Variants in MAP7 observed in about 807,000 individuals in gnomAD.
MAP7 encodes ensconsin.
Under a neutral mutation model 94.8 loss-of-function variants are expected in MAP7, and 52 were observed. The observed-to-expected ratio is 0.55, with a 90% CI of 0.44 to 0.69. The LOEUF is 0.69. Ranked by LOEUF, MAP7 falls within the 30% of genes least tolerant of loss-of-function variation. MAP7 has a pLI of 0.00. For synonymous variants in MAP7, 350 were observed against 357.0 expected (o/e 0.98, Z 0.22); for missense variants, 940 against 964.6 (o/e 0.97, Z 0.34).
rs189612449 is a variant in MAP7, at chr6:136,498,774, G to T, written c.67+51568C>A. ...ATGTGTGTGTGTGTGTGTGTGTGTG[G>T]AAAACCCAACGAAGTTGACTTAAAT... is the stretch of plus-strand genomic sequence containing the variant. On this transcript the variant is annotated intron_variant, in intron 1 of 17. Coordinates refer to ENST00000354570, the MANE Select transcript of MAP7 (RefSeq NM_003980.6). Among the ~76,000 whole-genome samples, 20 of 150,950 alleles carry T rather than the reference G, an allele frequency of 1.3e-4. No individual in the cohort carries two copies. The East Asian group carries it at 3.5e-3, about 27-fold the overall frequency.
chr6:136,548,051 C>T (rs1273854893), intron 1 of MAP7, among the ~76,000 whole-genome samples: 1 of 151,782 alleles, frequency 6.6e-6, no homozygotes, highest in East Asian at 1.9e-4. Context: ...CAATTTTCAA[C>T]TCTTGATGGT....
intron 1 of MAP7, among the ~76,000 whole-genome samples, chr6:136,522,581 A>G (rs1465418257): frequency 6.6e-6 from 1 of 152,228 alleles, no homozygotes; most frequent in Non-Finnish European, 1.5e-5. Flanking sequence ...ACTGGTAGAA[A>G]AAAGACACTA....
rs750125121 is a variant in MAP7 at position 136,344,242 on chromosome 6, C to T, written c.2240-4G>A. ...AGAAGAAACACTCATATAACTTCTA[C>T]ATGAAGAGACAGAAAAAGAACAAGA... On this transcript the variant is annotated splice_region_variant and splice_polypyrimidine_tract_variant and intron_variant, in intron 17 of 17. Transcript: ENST00000354570. 7.6e-7 allele frequency: 1 copy of T among 1,321,752 alleles called. No homozygotes were observed. The highest frequency in any genetic ancestry group is 1.0e-6 in the Non-Finnish European group (1 of 989,970). The allele number at this position is 1,321,752 out of a possible 1,614,324, so 81.9% of individuals were successfully genotyped here.
At chr6:136,517,332 G>A (rs189185885) in intron 1 of MAP7, among the ~76,000 whole-genome samples, 1 of 146,998 alleles carries the variant, frequency 6.8e-6, no homozygotes, top group East Asian at 2.0e-4. Context: ...CACAAGTTAA[G>A]GAAAGAGATT....
intron 1 of MAP7, among the ~76,000 whole-genome samples, chr6:136,467,199 A>C (rs1315846840): frequency 6.6e-6 from 1 of 152,230 alleles, no homozygotes; most frequent in East Asian, 1.9e-4. Flanking sequence ...GCTGTTTACC[A>C]AAATCATCTA....
intron 2 of MAP7, chr6:136,420,555 A>G (rs1790978136): frequency 1.0e-5 from 2 of 192,524 alleles, no homozygotes; most frequent in Admixed American, 5.7e-5. Context: ...TACATCTCTC[A>G]TGCTTCTTCG....
chr6:136,549,357 T>C (rs928412188), intron 1 of MAP7, among the ~76,000 whole-genome samples: 5 of 152,066 alleles, frequency 3.3e-5, no homozygotes, highest in South Asian at 2.1e-4. Flanking sequence ...TAGGAAGATA[T>C]AGAAACAGCT....
At chr6:136,404,325 G>C (rs1158196623) in intron 3 of MAP7, among the ~76,000 whole-genome samples, 1 of 147,684 alleles carries the variant, frequency 6.8e-6, no homozygotes, top group African/African-American at 2.5e-5. Context: ...ACTGAGATGA[G>C]AGAGAAAAAA....
At chr6:136,345,779 T>C (rs183426488) in intron 17 of MAP7, 77 bp downstream of exon 17, 29 of 1,128,558 alleles carry the variant, frequency 2.6e-5, no homozygotes, top group Admixed American at 1.2e-4. Flanking sequence ...AATCATACTG[T>C]AGAAGGCAGC....
chr6:136,410,751 T>C (rs1787186982), intron 3 of MAP7, among the ~76,000 whole-genome samples: 1 of 152,110 alleles, frequency 6.6e-6, no homozygotes, highest in South Asian at 2.1e-4. Flanking sequence ...ATAAGAATAA[T>C]AAAGGGATGA....
chr6:136,398,770 T>C (rs943431068), intron 3 of MAP7, among the ~76,000 whole-genome samples: 2 of 152,178 alleles, frequency 1.3e-5, no homozygotes, highest in East Asian at 3.9e-4. Flanking sequence ...GTCTCAGGTA[T>C]GTCTTTACCA....
At chr6:136,514,457 A>G (rs920908271) in intron 1 of MAP7, among the ~76,000 whole-genome samples, 1 of 151,984 alleles carries the variant, frequency 6.6e-6, no homozygotes, top group African/African-American at 2.4e-5. Context: ...GTGGTGGTGT[A>G]CACCTGTAAT....
intron 3 of MAP7, among the ~76,000 whole-genome samples, chr6:136,406,895 C>T (rs573613790): frequency 6.6e-6 from 1 of 152,264 alleles, no homozygotes; most frequent in African/African-American, 2.4e-5. Flanking sequence ...GGTGTATTAA[C>T]GATTCCATTT....
intron 1 of MAP7, among the ~76,000 whole-genome samples, chr6:136,436,918 A>G (rs1238569215): frequency 6.6e-6 from 1 of 152,274 alleles, no homozygotes; most frequent in Admixed American, 6.5e-5. Flanking sequence ...ACTGGCCTGC[A>G]GAATGGTCAA....
chr6:136,450,550 A>G (rs1800784188), intron 1 of MAP7, among the ~76,000 whole-genome samples: 1 of 152,064 alleles, frequency 6.6e-6, no homozygotes, highest in South Asian at 2.1e-4. Flanking sequence ...CTTTTTATAG[A>G]AGGGCGGGCT....
intron 1 of MAP7, among the ~76,000 whole-genome samples, chr6:136,465,885 A>G (rs1270946369): frequency 6.6e-6 from 1 of 152,192 alleles, no homozygotes; most frequent in Non-Finnish European, 1.5e-5. Flanking sequence ...TTATAACACA[A>G]ATTTGCAAAT....
intron 1 of MAP7, among the ~76,000 whole-genome samples, chr6:136,442,168 C>T (rs1346910144): frequency 6.6e-6 from 1 of 151,928 alleles, no homozygotes; most frequent in African/African-American, 2.4e-5. Flanking sequence ...TTTGGGAGGA[C>T]GAGGCAGGTG....
intron 8 of MAP7, among the ~76,000 whole-genome samples, chr6:136,370,629 CATT>C (rs1774167968): frequency 6.6e-6 from 1 of 152,042 alleles, no homozygotes; most frequent in Non-Finnish European, 1.5e-5. Flanking sequence ...ACCTTGAGGA[CATT>C]ATGCTAAGTG....
chr6:136,392,273 T>A (rs971506649), intron 3 of MAP7, among the ~76,000 whole-genome samples: 2 of 151,978 alleles, frequency 1.3e-5, no homozygotes, highest in Non-Finnish European at 2.9e-5. Flanking sequence ...GAGATAAGGT[T>A]TTGCCATATT....
Sources: gnomAD v4.1 joint callset for allele counts (sites outside exome capture counted in the v4.1 genomes callset) on GRCh38, gnomAD v4.1.1 for gene constraint, MANE v1.5 for transcripts, NCBI Gene and HGNC (gene_info 2026-07-23, HGNC 2026-07-21) for gene names.